The following KLK8 variants were observed in gnomAD, a reference collection of about 807,000 sequenced individuals.
The protein encoded by KLK8 is kallikrein related peptidase 8.
KLK8 carries 18 observed loss-of-function variants against 26.7 expected under a neutral mutation model. The observed-to-expected ratio is 0.67, with a 90% CI of 0.47 to 1.00. KLK8 has a LOEUF of 1.00. Ranked by LOEUF, KLK8 falls within the 50% of genes least tolerant of loss-of-function variation. The pLI is 0.00. For missense variants in KLK8, 301 were observed against 331.7 expected (o/e 0.91, Z 0.72); for synonymous variants, 137 against 127.1 (o/e 1.08, Z -0.52).
chr19:51,001,403 G>A, intron 2 of KLK8, 129 bp downstream of exon 1: 1 of 541,842 alleles, frequency 1.8e-6, no homozygotes, highest in Non-Finnish European at 3.3e-6. Flanking sequence ...CCTAAATTAG[G>A]GAGAGGAGGA....
rs117911679 is a variant in KLK8 at position 50,999,435 on chromosome 19, C to T, written c.493+561G>A. ...TCTCTACAACAAATACAAAAATTAG[C>T]TCGCGTGGTGGCGGGTGCCTGTAAT... On this transcript the variant is annotated intron_variant, in intron 5 of 6. Transcript: ENST00000600767. Among the ~76,000 whole-genome samples, 464 of 151,392 alleles carry T rather than the reference C, an allele frequency of 3.1e-3. 4 individuals are homozygous for T. Among genetic ancestry groups the T allele is most frequent in the Non-Finnish European group, 4.4e-3 (299 of 67,788 alleles).
Position 51,001,188 on chromosome 19 carries a change from G to A in KLK8, c.-8-13C>T, listed in dbSNP as rs113308973. 2.7e-3 allele frequency: 4,422 copies of A among 1,609,436 alleles called. 119 individuals carry two copies. The African/African-American group carries it at 0.053, about 19-fold the overall frequency. ...CCCATGGTGAGGTCTGGGAAATGGA[G>A]AGGGCGGGGCCGGTAAACAGGAAGG... On this transcript the variant is annotated splice_polypyrimidine_tract_variant and intron_variant, in intron 2 of 6. Coordinates refer to ENST00000600767, the Ensembl canonical transcript of KLK8.
At chr19:50,996,191 C>T in exon 7 of KLK8, 1 of 1,614,210 alleles carries the variant, frequency 6.2e-7, no homozygotes, top group African/African-American at 1.3e-5. Flanking sequence ...CACCATCACA[C>T]ACCAGGGGGC....
intron 2 of KLK8, 90 bp from the exon 2 acceptor site, chr19:51,001,265 G>C: frequency 9.0e-7 from 1 of 1,106,688 alleles, no homozygotes; most frequent in East Asian, 2.5e-5. Context: ...GCAGCCGAGA[G>C]TATCTGGGGC....
intron 5 of KLK8, among the ~76,000 whole-genome samples, chr19:50,999,742 G>A (rs903986672): frequency 2.6e-5 from 4 of 151,878 alleles, no homozygotes; most frequent in African/African-American, 7.3e-5. Context: ...GTCCCATAGG[G>A]TAGTGCTCTC....
chr19:50,997,638 C>A, intron 6 of KLK8, 113 bp downstream of exon 5: 2 of 1,292,458 alleles, frequency 1.5e-6, no homozygotes, highest in Non-Finnish European at 2.2e-6. Context: ...GTGAACACTC[C>A]GGGTGCCAAG....
intron 6 of KLK8, 67 bp downstream of exon 5, chr19:50,997,684 T>C (rs1349507626): frequency 1.8e-6 from 2 of 1,102,792 alleles, no homozygotes; most frequent in Non-Finnish European, 2.7e-6. Context: ...CCCACCCCCA[T>C]CCAAGCCTTG....
At chr19:50,999,737 A>C (rs141540009) in intron 5 of KLK8, among the ~76,000 whole-genome samples, 133 of 151,878 alleles carry the variant, frequency 8.8e-4, no homozygotes, top group African/African-American at 2.8e-3. Flanking sequence ...CAAAGGTCCC[A>C]TAGGGTAGTG....
chr19:51,000,031 G>C, exon 5 of KLK8: 1 of 1,609,882 alleles, frequency 6.2e-7, no homozygotes, highest in South Asian at 1.1e-5. Flanking sequence ...GCCTGAGACG[G>C]TGCACTTCTG....
exon 5 of KLK8, chr19:51,000,163 T>C (rs754723682): frequency 1.9e-6 from 3 of 1,613,690 alleles, no homozygotes; most frequent in Non-Finnish European, 2.5e-6. Context: ...GCTGCTGTTG[T>C]AGCAGGGGTG....
intron 5 of KLK8, among the ~76,000 whole-genome samples, chr19:50,998,430 T>C (rs1043324150): frequency 2.0e-5 from 3 of 152,218 alleles, no homozygotes; most frequent in African/African-American, 7.2e-5. Context: ...AGCTTGCAAC[T>C]CCATAACGAC....
At chr19:51,000,288 G>A (rs1480859421) in intron 4 of KLK8, 30 bp from the exon 4 acceptor site, 1 of 1,555,440 alleles carries the variant, frequency 6.4e-7, no homozygotes, top group Non-Finnish European at 8.7e-7. Flanking sequence ...TTGGGACCCA[G>A]GCAGGGGTAT....
intron 5 of KLK8, chr19:50,998,936 A>G (rs2091194440): frequency 6.6e-6 from 1 of 152,258 alleles, no homozygotes; most frequent in African/African-American, 2.4e-5. Context: ...GCAGAGCCAT[A>G]GTTTGAACTG....
exon 3 of KLK8, chr19:51,001,135 C>T (rs2091221150): frequency 1.2e-6 from 2 of 1,613,536 alleles, no homozygotes; most frequent in Non-Finnish European, 1.7e-6. Flanking sequence ...GGAACATCCA[C>T]GTCTTGGCCG....
At chr19:50,998,038 C>G (rs2091186759) in intron 5 of KLK8, 154 bp from the exon 5 acceptor site, 1 of 838,822 alleles carries the variant, frequency 1.2e-6, no homozygotes, top group Admixed American at 2.5e-5. Flanking sequence ...GACATCACTT[C>G]TCACCACATT....
At chr19:50,999,415 A>G (rs1394782972) in intron 5 of KLK8, among the ~76,000 whole-genome samples, 2 of 151,556 alleles carry the variant, frequency 1.3e-5, no homozygotes, top group Admixed American at 1.3e-4. Flanking sequence ...CCCTGTCTCT[A>G]CAACAAATAC....
chr19:50,999,583 CAAAAAAAAAAAAAAAAAAAAAAAAAAA>C (rs56988162), intron 5 of KLK8, among the ~76,000 whole-genome samples: 6 of 30,292 alleles, frequency 2.0e-4, no homozygotes, highest in Non-Finnish European at 2.1e-4. Flanking sequence ...TGTCCCCCTG[CAAAAAAAAAAAAAAAAAAAAAAAAAAA>C]AAAAAAAAAA....
At chr19:50,996,325 A>G in intron 6 of KLK8, 111 bp from the exon 6 acceptor site, 2 of 1,165,962 alleles carry the variant, frequency 1.7e-6, no homozygotes, top group Non-Finnish European at 2.5e-6. Context: ...CCTGTAGCCA[A>G]TGGGGGTAAA....
chr19:51,000,601 G>A lies in KLK8; in HGVS notation c.71-18C>T, dbSNP rs759957133. The A allele has an allele frequency of 6.2e-7, 1 of 1,613,364 alleles. No homozygotes were observed. The highest frequency in any genetic ancestry group is 8.5e-7 in the Non-Finnish European group (1 of 1,179,452). Reference sequence around the variant, plus strand: ...GGAGTGTCCTGCAGCAGGAGGGAGAGGGTTGGATCGCCACCCTCTGGGGCA... The same window carrying A: ...GGAGTGTCCTGCAGCAGGAGGGAGAAGGTTGGATCGCCACCCTCTGGGGCA... On this transcript the variant is annotated intron_variant, in intron 3 of 6. Coordinates refer to ENST00000600767, the Ensembl canonical transcript of KLK8.
Sources: allele counts gnomAD v4.1 joint callset (sites outside exome capture counted in the v4.1 genomes callset), GRCh38; gene constraint gnomAD v4.1.1; transcripts MANE v1.5; gene names NCBI Gene and HGNC (gene_info 2026-07-23, HGNC 2026-07-21).